Variants in SLC24A2 observed in about 807,000 individuals in gnomAD.
SLC24A2 encodes sodium/potassium/calcium exchanger 2.
SLC24A2 carries 36 observed loss-of-function variants against 62.0 expected under a neutral mutation model. The observed-to-expected ratio is 0.58, with a 90% confidence interval of 0.44 to 0.77. The LOEUF (loss-of-function observed/expected upper bound fraction) is 0.77, where lower values mean the gene tolerates loss of function less well. SLC24A2 is among the 30% of genes least tolerant of loss of function. The pLI is 0.00. For synonymous variants in SLC24A2, 358 were observed against 294.0 expected (o/e 1.22, Z -2.23); for missense variants, 846 against 817.9 (o/e 1.03, Z -0.42).
chr9:20,247,637 G>A, the SLC24A2 span, among the ~76,000 whole-genome samples: 1 of 152,170 alleles, frequency 6.6e-6, no homozygotes, highest in Non-Finnish European at 1.5e-5. Flanking sequence ...CCAAAACTGA[G>A]AAACAAATTT....
chr9:20,042,586 A>C, the SLC24A2 span, among the ~76,000 whole-genome samples: 1 of 152,216 alleles, frequency 6.6e-6, no homozygotes, highest in East Asian at 1.9e-4. Context: ...CTTATTGCTA[A>C]GGGACATGTT....
chr9:20,203,574 C>T, the SLC24A2 span, among the ~76,000 whole-genome samples: 29 of 152,004 alleles, frequency 1.9e-4, no homozygotes, highest in East Asian at 1.5e-3. Flanking sequence ...CCAGTTGCAG[C>T]GGCTCACACC....
At chr9:19,955,111 GA>G in the SLC24A2 span, among the ~76,000 whole-genome samples, 13 of 152,002 alleles carry the variant, frequency 8.6e-5, no homozygotes, top group South Asian at 2.7e-3. Flanking sequence ...TGCTCTTTCT[GA>G]AATTAGGATG....
At chr9:20,207,278 A>G in the SLC24A2 span, among the ~76,000 whole-genome samples, 1 of 152,168 alleles carries the variant, frequency 6.6e-6, no homozygotes, top group African/African-American at 2.4e-5. Flanking sequence ...AAAGATCACA[A>G]TTCTTTCACA....
At chr9:19,780,779 A>C (rs1822992362) in intron 2 of SLC24A2, among the ~76,000 whole-genome samples, 1 of 150,198 alleles carries the variant, frequency 6.7e-6, no homozygotes, top group Non-Finnish European at 1.5e-5. Flanking sequence ...AGGCTGAGGC[A>C]GGAGAATGGC....
chr9:20,178,102 T>C, the SLC24A2 span, among the ~76,000 whole-genome samples: 1 of 152,186 alleles, frequency 6.6e-6, no homozygotes. Flanking sequence ...GTTCCTTTAA[T>C]ATAAGTGTAA....
At chr9:19,665,767 A>G (rs1223261608) in intron 2 of SLC24A2, among the ~76,000 whole-genome samples, 3 of 152,012 alleles carry the variant, frequency 2.0e-5, no homozygotes, top group Non-Finnish European at 4.4e-5. Context: ...GGTACGCGCC[A>G]CCATGCCTGG....
At chr9:19,577,066 A>G in intron 5 of SLC24A2, 44 bp from the exon 6 acceptor site, 1 of 1,524,592 alleles carries the variant, frequency 6.6e-7, no homozygotes, top group Non-Finnish European at 9.1e-7. Flanking sequence ...AATGAGAAAG[A>G]AGAGAGTCTC....
chr9:20,307,506 T>C, the SLC24A2 span, among the ~76,000 whole-genome samples: 1 of 152,222 alleles, frequency 6.6e-6, no homozygotes, highest in African/African-American at 2.4e-5. Context: ...GCAGACATTT[T>C]ACACTTGTCC....
chr9:20,196,859 G>A, the SLC24A2 span, among the ~76,000 whole-genome samples: 1 of 152,082 alleles, frequency 6.6e-6, no homozygotes, highest in East Asian at 1.9e-4. Flanking sequence ...TTGTGGAATT[G>A]GCATATATAT....
chr9:19,925,432 T>G, the SLC24A2 span, among the ~76,000 whole-genome samples: 1 of 152,230 alleles, frequency 6.6e-6, no homozygotes, highest in African/African-American at 2.4e-5. Flanking sequence ...CAATTACTTG[T>G]GGTAGACATA....
the SLC24A2 span, among the ~76,000 whole-genome samples, chr9:20,033,589 T>G: frequency 3.8e-4 from 58 of 152,306 alleles, no homozygotes; most frequent in African/African-American, 1.3e-3. Context: ...AAGAAATGCA[T>G]TATAATTTAC....
the SLC24A2 span, among the ~76,000 whole-genome samples, chr9:20,136,677 C>T: frequency 6.6e-6 from 1 of 152,058 alleles, no homozygotes; most frequent in African/African-American, 2.4e-5. Flanking sequence ...ACAGGTCTCA[C>T]TTAGGATTAA....
At chr9:20,301,109 T>C in the SLC24A2 span, among the ~76,000 whole-genome samples, 6 of 152,174 alleles carry the variant, frequency 3.9e-5, no homozygotes, top group East Asian at 5.8e-4. Flanking sequence ...CAAAGGCACA[T>C]TGCTCCCCAA....
chr9:19,610,818 A>G (rs1318091985), intron 4 of SLC24A2, among the ~76,000 whole-genome samples: 1 of 152,264 alleles, frequency 6.6e-6, no homozygotes, highest in African/African-American at 2.4e-5. Context: ...GGCTAGAGAC[A>G]TATAGTTCCC....
At chr9:19,896,016 T>A in the SLC24A2 span, 12 of 1,493,324 alleles carry the variant, frequency 8.0e-6, no homozygotes, top group African/African-American at 1.4e-5. Context: ...GGCAGGGTCG[T>A]GGGAAGCCAC....
At chr9:19,764,039 G>T (rs1375908277) in intron 2 of SLC24A2, among the ~76,000 whole-genome samples, 2 of 152,012 alleles carry the variant, frequency 1.3e-5, no homozygotes, top group Non-Finnish European at 2.9e-5. Flanking sequence ...GTTTAGTCTT[G>T]GGAGGATATA....
At chr9:20,153,547 T>C in the SLC24A2 span, among the ~76,000 whole-genome samples, 1 of 151,880 alleles carries the variant, frequency 6.6e-6, no homozygotes, top group Non-Finnish European at 1.5e-5. Context: ...GACTTCATAA[T>C]TACAGTATTT....
chr9:20,059,056 G>A, the SLC24A2 span, among the ~76,000 whole-genome samples: 3 of 152,274 alleles, frequency 2.0e-5, no homozygotes, highest in East Asian at 1.9e-4. Context: ...AATATGAGAG[G>A]CTGAATAATG....
Sources: gnomAD v4.1 joint callset for allele counts (sites outside exome capture counted in the v4.1 genomes callset) on GRCh38, gnomAD v4.1.1 for gene constraint, MANE v1.5 for transcripts, NCBI Gene and HGNC (gene_info 2026-07-23, HGNC 2026-07-21) for gene names.